Variants in RIMS4 observed in about 807,000 individuals in gnomAD.
RIMS4 encodes the protein regulating synaptic membrane exocytosis 4.
In RIMS4, 9 loss-of-function variants were observed where a neutral mutation model predicts 29.0. The ratio of observed to expected loss-of-function variants is 0.31; its 90% CI spans 0.19 to 0.54. RIMS4 has a LOEUF of 0.54. RIMS4 is among the 20% of genes least tolerant of loss of function. RIMS4 has a pLI of 0.94. For missense variants in RIMS4, 193 were observed against 365.7 expected (o/e 0.53, Z 3.85); for synonymous variants, 130 against 152.9 (o/e 0.85, Z 1.10).
intron 2 of RIMS4, among the ~76,000 whole-genome samples, chr20:44,764,031 CATCCATCCATCCATTT>C (rs1399279878): frequency 1.9e-4 from 25 of 133,846 alleles, no homozygotes; most frequent in Admixed American, 8.0e-4. Flanking sequence ...TCCATTTATC[CATCCATCCATCCATTT>C]ATCCATCCAT....
chr20:44,793,530 T>C (rs904480251), intron 1 of RIMS4, among the ~76,000 whole-genome samples: 1 of 152,162 alleles, frequency 6.6e-6, no homozygotes, highest in East Asian at 1.9e-4. Flanking sequence ...ACCCTCAGGA[T>C]ACTGCTGATG....
chr20:44,791,624 C>A (rs1335347420), intron 1 of RIMS4, among the ~76,000 whole-genome samples: 2 of 152,180 alleles, frequency 1.3e-5, no homozygotes, highest in African/African-American at 4.8e-5. Context: ...TCTCCCACTC[C>A]CGGGTGTGGA....
intron 1 of RIMS4, among the ~76,000 whole-genome samples, chr20:44,791,165 T>TTG (rs1300250894): frequency 1.3e-5 from 2 of 152,254 alleles, no homozygotes; most frequent in East Asian, 1.9e-4. Context: ...TAAATATGTG[T>TTG]TGTGTGTGTG....
intron 1 of RIMS4, among the ~76,000 whole-genome samples, chr20:44,774,207 C>T (rs2066149757): frequency 6.6e-6 from 1 of 152,176 alleles, no homozygotes; most frequent in South Asian, 2.1e-4. Flanking sequence ...TCCATCCATC[C>T]CACGTGGCTG....
At chr20:44,778,653 C>T (rs554636665) in intron 1 of RIMS4, among the ~76,000 whole-genome samples, 31 of 152,280 alleles carry the variant, frequency 2.0e-4, no homozygotes, top group Admixed American at 1.8e-3. Flanking sequence ...TGACAGAGAA[C>T]CTGTTTCAGG....
chr20:44,806,293 T>A (rs1391389812), intron 1 of RIMS4, among the ~76,000 whole-genome samples: 2 of 152,176 alleles, frequency 1.3e-5, no homozygotes, highest in African/African-American at 4.8e-5. Context: ...CAACCCCCTT[T>A]GGCATCTGTT....
intron 2 of RIMS4, among the ~76,000 whole-genome samples, chr20:44,760,923 A>G (rs1026723900): frequency 6.6e-6 from 1 of 150,904 alleles, no homozygotes; most frequent in Admixed American, 6.6e-5. Flanking sequence ...TAATGTGGGC[A>G]GGGGGGGATG....
intron 1 of RIMS4, among the ~76,000 whole-genome samples, chr20:44,800,045 G>C (rs956170090): frequency 6.6e-6 from 1 of 152,208 alleles, no homozygotes; most frequent in Non-Finnish European, 1.5e-5. Flanking sequence ...GACTTGCTCA[G>C]AGTCACACAG....
intron 1 of RIMS4, among the ~76,000 whole-genome samples, chr20:44,798,838 C>G (rs1043966537): frequency 1.3e-5 from 2 of 152,268 alleles, no homozygotes; most frequent in African/African-American, 2.4e-5. Context: ...GCGTCTCCCT[C>G]TCCCTCTCTT....
chr20:44,763,995 C>CATCCATCCATCCATTT (rs1213450203), intron 2 of RIMS4, among the ~76,000 whole-genome samples: 5 of 150,256 alleles, frequency 3.3e-5, no homozygotes, highest in East Asian at 4.0e-4. Context: ...CCTATCACTT[C>CATCCATCCATCCATTT]ATCCATCCAT....
intron 1 of RIMS4, among the ~76,000 whole-genome samples, chr20:44,809,475 C>G (rs1216778470): frequency 1.3e-5 from 2 of 152,062 alleles, no homozygotes; most frequent in African/African-American, 4.8e-5. Context: ...AAGGCGACTC[C>G]AGGGACAAGA....
intron 1 of RIMS4, among the ~76,000 whole-genome samples, chr20:44,804,116 A>G (rs1290478944): frequency 6.6e-6 from 1 of 152,232 alleles, no homozygotes; most frequent in Non-Finnish European, 1.5e-5. Context: ...TCATGAATTC[A>G]ACTGCTCTAA....
At chr20:44,777,921 A>G (rs556453492) in intron 1 of RIMS4, among the ~76,000 whole-genome samples, 9 of 152,304 alleles carry the variant, frequency 5.9e-5, no homozygotes, top group African/African-American at 1.9e-4. Context: ...TGCGAAAGGC[A>G]CCAAGGCCCC....
At chr20:44,770,303 CTGGTCATCT>C (rs2066131294) in intron 2 of RIMS4, among the ~76,000 whole-genome samples, 1 of 152,136 alleles carries the variant, frequency 6.6e-6, no homozygotes, top group Admixed American at 6.5e-5. Context: ...TCTGAGTGCC[CTGGTCATCT>C]GTATGATAAG....
rs564604245 is a variant in RIMS4, at chr20:44,803,030, CTTAACA to C, written c.97+7139_97+7144del. ...TCCTTAGCCTTCCCTGACTACCTTA[CTTAACA>C]TTATCTCCTAGCCCATCATCGTTCC... is the stretch of plus-strand genomic sequence containing the variant. On this transcript the variant is annotated intron_variant, in intron 1 of 5. Coordinates refer to ENST00000372851, the MANE Select transcript of RIMS4 (RefSeq NM_182970.4). Among the ~76,000 whole-genome samples, 11 of 152,326 alleles carry C rather than the reference CTTAACA, an allele frequency of 7.2e-5. No individual in the cohort carries two copies. The South Asian group carries it at 2.3e-3, about 32-fold the overall frequency.
intron 2 of RIMS4, among the ~76,000 whole-genome samples, chr20:44,762,897 T>C (rs560605111): frequency 1.3e-5 from 2 of 152,354 alleles, no homozygotes; most frequent in South Asian, 2.1e-4. Context: ...CAAGTTGTTA[T>C]TGTCTCTGCA....
chr20:44,758,237 A>T, intron 2 of RIMS4, 53 bp from the exon 3 acceptor site: 1 of 1,283,246 alleles, frequency 7.8e-7, no homozygotes, highest in Non-Finnish European at 1.1e-6. Context: ...TTTACCAACA[A>T]CTCTGGACTC....
At chr20:44,786,883 AT>A (rs34662051) in intron 1 of RIMS4, among the ~76,000 whole-genome samples, 1 of 152,052 alleles carries the variant, frequency 6.6e-6, no homozygotes, top group Non-Finnish European at 1.5e-5. Flanking sequence ...CTCACAAAGT[AT>A]TTTTTTTGAG....
intron 2 of RIMS4, among the ~76,000 whole-genome samples, chr20:44,760,777 T>C (rs1347878639): frequency 2.0e-5 from 3 of 152,220 alleles, no homozygotes; most frequent in Non-Finnish European, 4.4e-5. Context: ...ACTTGGAATA[T>C]GTTAGTGAAC....
Sources: gnomAD v4.1 joint callset for allele counts (sites outside exome capture counted in the v4.1 genomes callset) on GRCh38, gnomAD v4.1.1 for gene constraint, MANE v1.5 for transcripts, NCBI Gene and HGNC (gene_info 2026-07-23, HGNC 2026-07-21) for gene names.